CYB5A: variants seen among roughly 807,000 people sequenced by gnomAD.
CYB5A encodes the protein cytochrome b5 type A.
A neutral mutation model predicts 16.2 loss-of-function variants in CYB5A; 10 were observed. The observed-to-expected ratio is 0.62, with a 90% CI of 0.38 to 1.04. The LOEUF (loss-of-function observed/expected upper bound fraction) is 1.04, where lower values mean the gene tolerates loss of function less well. CYB5A is among the 50% of genes least tolerant of loss of function. The probability of loss-of-function intolerance (pLI) is 0.01; values close to 1 mark genes in which losing one functional copy is unlikely to be tolerated. For synonymous variants in CYB5A, 62 were observed against 57.0 expected, an observed-to-expected ratio of 1.09 and a Z score of -0.40; for missense variants, 161 against 165.9, an observed-to-expected ratio of 0.97 and a Z score of 0.16.
Position 74,252,700 on chromosome 18 carries a change from T to C in CYB5A, c.*884A>G, listed in dbSNP as rs1981812180. 6.6e-6 allele frequency: 1 copy of C among 151,468 alleles called. No homozygotes were observed. Among genetic ancestry groups the C allele is most frequent in the Non-Finnish European group, 1.5e-5 (1 of 68,060 alleles). The allele number at this position is 151,468 out of a possible 1,614,324, so 9.4% of individuals were successfully genotyped here. On this transcript the variant is annotated 3_prime_UTR_variant, in exon 5 of 5. Coordinates refer to ENST00000340533, the MANE Select transcript of CYB5A (RefSeq NM_148923.4). ...TAAGAAGTCTCTCTTATAGGCCCTG[T>C]AGGCTACTTTCTTTTTTTTTTGAGA...
intron 1 of CYB5A, among the ~76,000 whole-genome samples, chr18:74,263,804 T>C (rs927716978): frequency 6.6e-6 from 1 of 151,978 alleles, no homozygotes; most frequent in Non-Finnish European, 1.5e-5. Flanking sequence ...CCCAGATACA[T>C]GAGAGGCTGA....
At chr18:74,277,062 C>G (rs937466135) in intron 1 of CYB5A, among the ~76,000 whole-genome samples, 1 of 151,028 alleles carries the variant, frequency 6.6e-6, no homozygotes, top group Admixed American at 6.7e-5. Context: ...CCATAAACAA[C>G]AAGTAGGCAA....
Position 74,253,683 on chromosome 18 carries a change from G to A in CYB5A, c.324-18C>T. The A allele has an allele frequency of 1.3e-6, 2 of 1,569,462 alleles. No individual in the cohort carries two copies. Among genetic ancestry groups the A allele is most frequent in the Non-Finnish European group, 1.8e-6 (2 of 1,139,998 alleles). On this transcript the variant is annotated intron_variant, in intron 4 of 4. Transcript: ENST00000340533. ...TCCACCAACTAGAAAGACACAAAAA[G>A]CAATGATGCTGACATGATGTGCACT...
intron 2 of CYB5A, chr18:74,261,464 C>T (rs2145044873): frequency 5.5e-6 from 1 of 181,076 alleles, no homozygotes; most frequent in East Asian, 1.3e-4. Context: ...GCAGAAGTGC[C>T]ACAGTCAGGG....
At chr18:74,267,331 A>T (rs1198218972) in intron 1 of CYB5A, among the ~76,000 whole-genome samples, 2 of 152,046 alleles carry the variant, frequency 1.3e-5, no homozygotes, top group Non-Finnish European at 2.9e-5. Flanking sequence ...TAATTTTTGT[A>T]TTTTTAGTAG....
intron 1 of CYB5A, among the ~76,000 whole-genome samples, chr18:74,278,022 T>G (rs1328557028): frequency 3.9e-5 from 6 of 152,190 alleles, no homozygotes. Flanking sequence ...CAAATAATGA[T>G]GAATATCAGT....
At chr18:74,289,063 A>T (rs1179979518) in intron 1 of CYB5A, among the ~76,000 whole-genome samples, 1 of 150,608 alleles carries the variant, frequency 6.6e-6, no homozygotes, top group East Asian at 2.0e-4. Flanking sequence ...AACCAAACTA[A>T]CTCCTTGTGT....
intron 1 of CYB5A, among the ~76,000 whole-genome samples, chr18:74,274,689 A>G (rs747835029): frequency 2.6e-5 from 4 of 152,214 alleles, no homozygotes; most frequent in East Asian, 1.9e-4. Flanking sequence ...ATGGGTATAC[A>G]CTATATTTTT....
At chr18:74,274,660 C>T (rs1982797398) in intron 1 of CYB5A, among the ~76,000 whole-genome samples, 2 of 152,200 alleles carry the variant, frequency 1.3e-5, no homozygotes, top group South Asian at 4.1e-4. Flanking sequence ...TCCTTAGATA[C>T]TCTACCCAGA....
chr18:74,261,238 C>T lies in CYB5A; in HGVS notation c.259-294G>A, dbSNP rs924361428. Reference sequence around the variant, plus strand: ...CATTTATTAGACTCAGATTGCGACACGTAATTCAGGGAGGAGCTGAAGACT... The same window carrying T: ...CATTTATTAGACTCAGATTGCGACATGTAATTCAGGGAGGAGCTGAAGACT... On this transcript the variant is annotated intron_variant, in intron 2 of 4. Transcript: ENST00000340533. 2.6e-5 allele frequency: 10 copies of T among 381,424 alleles called. 1 individual carries two copies. Among genetic ancestry groups the T allele is most frequent in the Admixed American group, 1.9e-4 (5 of 26,958 alleles). The allele number at this position is 381,424 out of a possible 1,614,324, so 23.6% of individuals were successfully genotyped here. A position where few individuals can be genotyped will look rare whatever the true frequency, so the allele number is the denominator to read the frequency against.
intron 3 of CYB5A, chr18:74,257,735 G>A (rs538674462): frequency 6.6e-6 from 1 of 152,340 alleles, no homozygotes; most frequent in East Asian, 1.9e-4. Context: ...TGGGCAACAT[G>A]GTGAAACCCT....
intron 3 of CYB5A, chr18:74,258,866 G>C (rs1162741983): frequency 1.3e-5 from 2 of 152,204 alleles, no homozygotes; most frequent in East Asian, 3.8e-4. Flanking sequence ...ACTTTAGGCT[G>C]GGTGCCGTGG....
At chr18:74,267,962 C>A (rs1982510529) in intron 1 of CYB5A, among the ~76,000 whole-genome samples, 1 of 152,200 alleles carries the variant, frequency 6.6e-6, no homozygotes, top group African/African-American at 2.4e-5. Context: ...TGGGGATGGG[C>A]ATGGAGATGC....
At chr18:74,266,430 T>C (rs369632175) in intron 1 of CYB5A, among the ~76,000 whole-genome samples, 1 of 152,298 alleles carries the variant, frequency 6.6e-6, no homozygotes, top group South Asian at 2.1e-4. Flanking sequence ...GAGTCAATCA[T>C]TATTTGCCAG....
At chr18:74,261,991 G>C (rs2145045699) in intron 2 of CYB5A, among the ~76,000 whole-genome samples, 1 of 152,290 alleles carries the variant, frequency 6.6e-6, no homozygotes, top group South Asian at 2.1e-4. Context: ...GCAGCTGAGT[G>C]TGCGGCCCCA....
At chr18:74,262,268 A>G (rs1982233671) in intron 2 of CYB5A, among the ~76,000 whole-genome samples, 1 of 152,190 alleles carries the variant, frequency 6.6e-6, no homozygotes, top group African/African-American at 2.4e-5. Flanking sequence ...AACCTGGCCA[A>G]CATGGCGAAA....
intron 4 of CYB5A, among the ~76,000 whole-genome samples, chr18:74,255,162 C>T (rs1291940401): frequency 6.6e-6 from 1 of 152,114 alleles, no homozygotes; most frequent in East Asian, 1.9e-4. Context: ...GGATGAAATA[C>T]AAATGTGTGG....
chr18:74,273,305 T>C (rs1982743087), intron 1 of CYB5A, among the ~76,000 whole-genome samples: 1 of 152,188 alleles, frequency 6.6e-6, no homozygotes, highest in African/African-American at 2.4e-5. Flanking sequence ...CCTGCACCTC[T>C]GCACTATTCA....
intron 3 of CYB5A, 93 bp from the exon 4 acceptor site, chr18:74,255,868 T>C: frequency 1.1e-6 from 1 of 949,224 alleles, no homozygotes; most frequent in Admixed American, 1.7e-5. Context: ...GAACACAATA[T>C]TTTATGCAAT....
Sources: allele counts gnomAD v4.1 joint callset (sites outside exome capture counted in the v4.1 genomes callset), GRCh38; gene constraint gnomAD v4.1.1; transcripts MANE v1.5; gene names NCBI Gene and HGNC (gene_info 2026-07-23, HGNC 2026-07-21).